FSIP1: variants seen among roughly 807,000 people sequenced by gnomAD.
FSIP1 encodes fibrous sheath interacting protein 1.
FSIP1 carries 65 observed loss-of-function variants against 60.9 expected under a neutral mutation model. That is an observed-to-expected ratio of 1.07 (90% CI 0.87 to 1.31). The LOEUF (loss-of-function observed/expected upper bound fraction) is 1.31. Ranked by LOEUF, FSIP1 falls within the 40% of genes most tolerant of loss-of-function variation. The pLI is 0.00. For missense variants in FSIP1, 675 were observed against 665.5 expected (o/e 1.01, Z -0.16); for synonymous variants, 209 against 221.2 (o/e 0.94, Z 0.49).
chr15:39,620,268 T>C (rs914299625), intron 10 of FSIP1, among the ~76,000 whole-genome samples: 4 of 152,142 alleles, frequency 2.6e-5, no homozygotes, highest in African/African-American at 9.7e-5. Context: ...TAAGCAAAAA[T>C]TGTGACTTAA....
chr15:39,724,467 T>A (rs957548010), intron 9 of FSIP1, among the ~76,000 whole-genome samples: 3 of 150,810 alleles, frequency 2.0e-5, no homozygotes, highest in Non-Finnish European at 4.4e-5. Context: ...TTAGCCAAGA[T>A]GGTCTCGATC....
chr15:39,778,218 C>T (rs929062373), intron 1 of FSIP1, among the ~76,000 whole-genome samples: 19 of 152,264 alleles, frequency 1.2e-4, no homozygotes, highest in African/African-American at 3.4e-4. Flanking sequence ...GTCTTGTAAA[C>T]GCCCTAAGCA....
Position 39,780,441 on chromosome 15 carries a change from C to T in FSIP1, c.-8+2187G>A, listed in dbSNP as rs951976184. Among the ~76,000 whole-genome samples the T allele has an allele frequency of 4.6e-5, 7 of 152,306 alleles. No individual in the cohort carries two copies. The East Asian group carries it at 9.6e-4, about 21-fold the overall frequency. On this transcript the variant is annotated intron_variant, in intron 1 of 11. Coordinates refer to ENST00000350221, the MANE Select transcript of FSIP1 (RefSeq NM_152597.5). ...TCGGGAGGCTAAGGCAGGAGAATGG[C>T]CTGAACCCGGGAGGCGGAGCTTGCA...
chr15:39,662,645 C>T (rs1893344211), intron 10 of FSIP1, among the ~76,000 whole-genome samples: 1 of 151,986 alleles, frequency 6.6e-6, no homozygotes, highest in Non-Finnish European at 1.5e-5. Flanking sequence ...TTCCTTCTGC[C>T]TCAGCTGGAT....
intron 8 of FSIP1, among the ~76,000 whole-genome samples, chr15:39,737,863 C>T (rs1163738449): frequency 2.6e-5 from 4 of 152,024 alleles, no homozygotes; most frequent in Non-Finnish European, 2.9e-5. Context: ...TGTGTCGCTC[C>T]CCTCTATGAG....
rs574398054 is a variant in FSIP1 at position 39,616,319 on chromosome 15, C to T, written c.1699+1416G>A. Among the ~76,000 whole-genome samples, 119 of 152,238 alleles carry T rather than the reference C, an allele frequency of 7.8e-4. 1 individual carries two copies. Among genetic ancestry groups the T allele is most frequent in the African/African-American group, 2.8e-3 (115 of 41,546 alleles). On this transcript the variant is annotated intron_variant, in intron 11 of 11. Transcript: ENST00000350221. Reference sequence around the variant, plus strand: ...TTGGCTTAAGGCAGCACTTTAGACACCATGGAAAATGTAACAATGAATTGC... The same window carrying T: ...TTGGCTTAAGGCAGCACTTTAGACATCATGGAAAATGTAACAATGAATTGC...
At chr15:39,697,616 A>G (rs2140517151) in intron 10 of FSIP1, among the ~76,000 whole-genome samples, 1 of 152,274 alleles carries the variant, frequency 6.6e-6, no homozygotes, top group Middle Eastern at 3.4e-3. Flanking sequence ...TTCGCTCGTC[A>G]CTCCCAAGTT....
intron 9 of FSIP1, among the ~76,000 whole-genome samples, chr15:39,717,344 G>T (rs1335287450): frequency 6.6e-6 from 1 of 152,144 alleles, no homozygotes; most frequent in African/African-American, 2.4e-5. Flanking sequence ...TCCATCTTCT[G>T]GTTAGGTTTA....
At chr15:39,677,141 GT>G (rs1326707047) in intron 10 of FSIP1, among the ~76,000 whole-genome samples, 1 of 152,084 alleles carries the variant, frequency 6.6e-6, no homozygotes, top group Non-Finnish European at 1.5e-5. Context: ...AATGAATTAG[GT>G]TTTTTGGATC....
chr15:39,696,416 A>G (rs1894814737), intron 10 of FSIP1, among the ~76,000 whole-genome samples: 1 of 152,218 alleles, frequency 6.6e-6, no homozygotes, highest in Non-Finnish European at 1.5e-5. Context: ...GAACCAAAAA[A>G]ATATAAATTA....
intron 8 of FSIP1, among the ~76,000 whole-genome samples, chr15:39,727,068 A>C (rs1043199316): frequency 6.6e-6 from 1 of 152,188 alleles, no homozygotes; most frequent in African/African-American, 2.4e-5. Flanking sequence ...ATGTTTTGTG[A>C]CATGTTAAGT....
chr15:39,707,546 C>T (rs190614937), intron 10 of FSIP1, among the ~76,000 whole-genome samples: 75 of 152,194 alleles, frequency 4.9e-4, no homozygotes, highest in Admixed American at 1.4e-3. Flanking sequence ...TTCAATGTTG[C>T]CCTCCATACG....
intron 5 of FSIP1, among the ~76,000 whole-genome samples, chr15:39,760,091 G>T (rs1897442608): frequency 6.6e-6 from 1 of 151,800 alleles, no homozygotes; most frequent in South Asian, 2.1e-4. Context: ...AAAAACTAAG[G>T]GAATAATCTA....
intron 10 of FSIP1, among the ~76,000 whole-genome samples, chr15:39,649,783 G>A (rs1892791084): frequency 6.6e-6 from 1 of 152,214 alleles, no homozygotes; most frequent in African/African-American, 2.4e-5. Flanking sequence ...CTAATCAGAA[G>A]AATCTGCCTC....
chr15:39,623,578 G>A (rs1891525245), intron 10 of FSIP1, among the ~76,000 whole-genome samples: 2 of 152,152 alleles, frequency 1.3e-5, no homozygotes, highest in Admixed American at 1.3e-4. Flanking sequence ...TAAGTTTATA[G>A]CTCTCTATTG....
At position 39,629,085 on chromosome 15, in the gene FSIP1, A is replaced by G. The variant is rs145945301; in HGVS notation, c.1189-10840T>C. Among the ~76,000 whole-genome samples the G allele has an allele frequency of 2.9e-3, 434 of 152,268 alleles. 2 individuals carry two copies. The highest frequency in any genetic ancestry group is 8.1e-3 in the South Asian group (39 of 4,820). The stretch of plus-strand genomic sequence containing the variant: ...CTGAAGCCTGTACTTTCCAAGTTCA[A>G]CTGGCCCCTACTTTTGAAGATCTCT... On this transcript the variant is annotated intron_variant, in intron 10 of 11. Coordinates refer to ENST00000350221, the MANE Select transcript of FSIP1 (RefSeq NM_152597.5).
intron 5 of FSIP1, among the ~76,000 whole-genome samples, chr15:39,753,699 T>C (rs1467760017): frequency 6.6e-6 from 1 of 152,020 alleles, no homozygotes; most frequent in Non-Finnish European, 1.5e-5. Context: ...GCTCTCAGCA[T>C]AGGAATAATT....
At chr15:39,741,954 G>A (rs1171467973) in intron 5 of FSIP1, 54 bp from the exon 6 acceptor site, 12 of 950,208 alleles carry the variant, frequency 1.3e-5, no homozygotes, top group Non-Finnish European at 5.1e-6. Flanking sequence ...TTAAGTAGTT[G>A]TCTACAAAAT....
chr15:39,779,212 A>G (rs1277727152), intron 1 of FSIP1, among the ~76,000 whole-genome samples: 2 of 152,082 alleles, frequency 1.3e-5, no homozygotes, highest in African/African-American at 4.8e-5. Context: ...AGAAATGCAC[A>G]TATCAAAAAA....
Sources: gnomAD v4.1 joint callset for allele counts (sites outside exome capture counted in the v4.1 genomes callset) on GRCh38, gnomAD v4.1.1 for gene constraint, MANE v1.5 for transcripts, NCBI Gene and HGNC (gene_info 2026-07-23, HGNC 2026-07-21) for gene names.